TCHHL1: variants seen among roughly 807,000 people sequenced by gnomAD.
TCHHL1 encodes the protein trichohyalin like 1.
TCHHL1 carries 1 observed loss-of-function variant against 3.5 expected under a neutral mutation model. The ratio of observed to expected loss-of-function variants is 0.29; its 90% CI spans 0.10 to 1.36. The LOEUF (loss-of-function observed/expected upper bound fraction) is 1.36. Ranked by LOEUF, TCHHL1 falls within the 40% of genes most tolerant of loss-of-function variation. The probability of loss-of-function intolerance (pLI) is 0.43; values close to 1 mark genes in which losing one functional copy is unlikely to be tolerated. For missense variants in TCHHL1, 1,027 were observed against 1,032.8 expected (o/e 0.99, Z 0.08); for synonymous variants, 405 against 375.3 (o/e 1.08, Z -0.92).
chr1:152,086,281 T>G lies in TCHHL1; in HGVS notation c.1401A>C (p.Glu467Asp), dbSNP rs1298085929. ...TGCCTTCTTTGGTGTGTTCTGCCTC[T>G]TCTCCTGAGACTGCTGTTCCTTCAA... ...PELEGTAVSG[E>D]EAEHTKEGTA... Residue 467 changes from glutamate to aspartate, a missense_variant, in exon 3 of 3, where the codon GAA (glutamate) becomes GAC (aspartate). By Grantham distance (45) the Glu-to-Asp change is conservative. Around this residue, in one of 3 missense-constraint regions of TCHHL1, gnomAD observed 673 missense variants for 658.6 expected, o/e 1.02. Coordinates refer to ENST00000368806, the MANE Select transcript of TCHHL1 (RefSeq NM_001008536.2). 6.2e-7 allele frequency: 1 copy of G among 1,614,260 alleles called. No homozygotes were observed. The highest frequency in any genetic ancestry group is 1.3e-5 in the African/African-American group (1 of 75,062).
In TCHHL1 at chr1:152,084,718, A is replaced by G. The variant is rs1657682786; in HGVS notation, c.*249T>C. The G allele has an allele frequency of 2.2e-6, 1 of 446,186 alleles. No individual in the cohort carries two copies. The highest frequency in any genetic ancestry group is 4.0e-6 in the Non-Finnish European group (1 of 253,116). The allele number at this position is 446,186 out of a possible 1,614,324, so 27.6% of individuals were successfully genotyped here. On this transcript the variant is annotated 3_prime_UTR_variant, in exon 3 of 3. Transcript: ENST00000368806. The stretch of plus-strand genomic sequence containing the variant: ...TTTTTAATGACAGGTACATTGAGAT[A>G]AACTGTCTCATGACAAAGCCCATTT...
rs372323311 is a variant in TCHHL1 at position 152,088,016 on chromosome 1, T to C, written c.128A>G (p.Asp43Gly). 2.4e-5 allele frequency: 39 copies of C among 1,596,882 alleles called. 1 individual carries two copies. The highest frequency in any genetic ancestry group is 3.2e-5 in the Non-Finnish European group (38 of 1,174,318). ...LKQLIQGEFGDFFQPCVLHAV... is the reference protein window; with the variant it reads ...LKQLIQGEFGGFFQPCVLHAV... ...CTGTGAGAAGCTCACCTGAAAAAAG[T>C]CCCCAAACTCGCCCTGGATGAGTTG... Residue 43 changes from aspartate (D) to glycine (G), a missense_variant, in exon 2 of 3, where the codon GAC (aspartate) becomes GGC (glycine). Physicochemically the swap from Asp to Gly is moderately conservative, Grantham distance 94 (BLOSUM62 -1). Around this residue, in one of 3 missense-constraint regions of TCHHL1, gnomAD observed 338 missense variants for 335.9 expected, o/e 1.01. Transcript: ENST00000368806.
chr1:152,087,583 T>C, intron 2 of TCHHL1, 40 bp from the exon 3 acceptor site: 2 of 1,540,978 alleles, frequency 1.3e-6, no homozygotes, highest in Non-Finnish European at 1.7e-6. Context: ...TATTTATATG[T>C]GGTCCAGTGT....
rs375383559 is a variant in TCHHL1, at chr1:152,088,027, G to A, written c.117C>T (p.Gly39=). The A allele has an allele frequency of 4.0e-5, 64 of 1,602,832 alleles. No individual in the cohort carries two copies. Among genetic ancestry groups the A allele is most frequent in the Admixed American group, 5.3e-5 (3 of 56,810 alleles). ...TCACCTGAAAAAAGTCCCCAAACTC[G>A]CCCTGGATGAGTTGTTTCAGCTCTC... ...TGRELKQLIQ[G]EFGDFFQPCV... Residue 39 remains glycine (G), a synonymous_variant, in exon 2 of 3, where the codon GGC becomes GGT. Coordinates refer to ENST00000368806, the MANE Select transcript of TCHHL1 (RefSeq NM_001008536.2).
Position 152,087,514 on chromosome 1 carries a change from A to G in TCHHL1, c.168T>C (p.Asn56=), listed in dbSNP as rs143959909. The G allele has an allele frequency of 5.8e-5, 92 of 1,598,438 alleles. No individual in the cohort carries two copies. The East Asian group carries it at 1.9e-3, about 33-fold the overall frequency. ...QPCVLHAVEK[N]SNLLNIDSNG... is the part of the protein sequence containing the mutation. ...TACTGTCAATATTCAGAAGATTTGA[A>G]TTTTTTTCCACAGCATGAAGGACAC... Residue 56 remains asparagine (N), a synonymous_variant, in exon 3 of 3, where the codon AAT becomes AAC. Transcript: ENST00000368806.
At chr1:152,087,581 T>C in intron 2 of TCHHL1, 38 bp from the exon 3 acceptor site, 2 of 1,541,152 alleles carry the variant, frequency 1.3e-6, no homozygotes, top group South Asian at 1.3e-5. Flanking sequence ...CTTATTTATA[T>C]GTGGTCCAGT....
rs757410759 is a variant in TCHHL1, at chr1:152,087,361, T to C, written c.321A>G (p.Leu107=). The C allele has an allele frequency of 2.5e-6, 4 of 1,613,710 alleles. No homozygotes were observed. In the African/African-American group the frequency reaches 5.3e-5, roughly 22 times the overall value. ...TGGTTGCCTGAACATCCACATCATC[T>C]AGCTTCTCCTTCTCTGGTTTAGTCA... ...RQVTKPEKEK[L]DDVDVQATTG... Residue 107 remains leucine (L), a synonymous_variant, in exon 3 of 3, where the codon CTA becomes CTG. Coordinates refer to ENST00000368806, the MANE Select transcript of TCHHL1 (RefSeq NM_001008536.2).
chr1:152,087,951 A>C, intron 2 of TCHHL1, 55 bp downstream of exon 2: 5 of 1,522,178 alleles, frequency 3.3e-6, no homozygotes, highest in Non-Finnish European at 4.4e-6. Flanking sequence ...TCTTGCTTGG[A>C]TTATAAAGAA....
Position 152,085,883 on chromosome 1 carries a change from G to C in TCHHL1, c.1799C>G (p.Pro600Arg). The change falls in exon 3 of 3, where the codon CCT (proline) becomes CGT (arginine). Residue 600 changes from proline to arginine, a missense_variant. By Grantham distance (103) the Pro-to-Arg change is moderately radical. Transcript: ENST00000368806. ...NNPDTQRQGT[P>R]GEKNRALEAV... ...CTCCAGAGCTCTGTTTTTCTCACCA[G>C]GTGTTCCCTGCCTCTGGGTATCTGG... 4.3e-6 allele frequency: 7 copies of C among 1,614,142 alleles called. No individual in the cohort carries two copies. Among genetic ancestry groups the C allele is most frequent in the Non-Finnish European group, 5.9e-6 (7 of 1,180,026 alleles).
Position 152,087,508 on chromosome 1 carries a change from A to G in TCHHL1, c.174T>C (p.Asn58=). The G allele has an allele frequency of 6.3e-7, 1 of 1,599,454 alleles. No individual in the cohort carries two copies. Among genetic ancestry groups the G allele is most frequent in the Non-Finnish European group, 8.5e-7 (1 of 1,179,476 alleles). The change falls in exon 3 of 3, where the codon AAT becomes AAC. Residue 58 remains asparagine, a synonymous_variant. Coordinates refer to ENST00000368806, the MANE Select transcript of TCHHL1 (RefSeq NM_001008536.2). ...TGCCATTACTGTCAATATTCAGAAG[A>G]TTTGAATTTTTTTCCACAGCATGAA... The part of the protein sequence containing the change: ...CVLHAVEKNS[N]LLNIDSNGII...
Position 152,086,109 on chromosome 1 carries a change from C to T in TCHHL1, c.1573G>A (p.Glu525Lys). 2 of 1,614,206 alleles carry T rather than the reference C, an allele frequency of 1.2e-6. No individual in the cohort carries two copies. The highest frequency in any genetic ancestry group is 1.3e-5 in the African/African-American group (1 of 75,038). Reference protein sequence around the residue: ...RVTKTHDQPVEEEDGYQGEDP... With the variant: ...RVTKTHDQPVKEEDGYQGEDP... Reference sequence around the variant, plus strand: ...TCCCCCTGGTAACCATCCTCCTCCTCAACTGGTTGGTCATGAGTCTTGGTG... The same window carrying T: ...TCCCCCTGGTAACCATCCTCCTCCTTAACTGGTTGGTCATGAGTCTTGGTG... Residue 525 changes from glutamate (E) to lysine (K), a missense_variant, in exon 3 of 3, where the codon GAG becomes AAG. By Grantham distance (56) the Glu-to-Lys change is moderately conservative. This residue lies in a region of TCHHL1 where 673 missense variants were observed against 658.6 expected (regional missense o/e 1.02). Transcript: ENST00000368806.
Position 152,085,958 on chromosome 1 carries a change from C to A in TCHHL1, c.1724G>T (p.Ser575Ile). The change falls in exon 3 of 3, where the codon AGT becomes ATT. Residue 575 changes from serine (S) to isoleucine (I), a missense_variant. Physicochemically the swap from Ser to Ile is moderately radical, Grantham distance 142 (BLOSUM62 -2). Coordinates refer to ENST00000368806, the MANE Select transcript of TCHHL1 (RefSeq NM_001008536.2). ...AGACTCTCCATGTTGGTCCCCTTGA[C>A]TCTGGGAGTCCCCTTGCACAGGCAG... ...GELPVQGDSQ[S>I]QGDQHGESVQ... is the part of the protein sequence containing the mutation. The A allele has an allele frequency of 1.2e-6, 2 of 1,614,188 alleles. No homozygotes were observed. The highest frequency in any genetic ancestry group is 1.7e-6 in the Non-Finnish European group (2 of 1,180,036).
chr1:152,085,436 T>C lies in TCHHL1; in HGVS notation c.2246A>G (p.Glu749Gly). Reference protein sequence around the residue: ...KEPVTSEEEDESPQELAGEGG... With the variant: ...KEPVTSEEEDGSPQELAGEGG... ...TTCTCCTGCCAGCTCTTGGGGACTT[T>C]CATCTTCCTCCTCTGATGTTACAGG... Residue 749 changes from glutamate to glycine, a missense_variant, in exon 3 of 3, where the codon GAA becomes GGA. By Grantham distance (98) the Glu-to-Gly change is moderately conservative. This residue lies in a region of TCHHL1 where 673 missense variants were observed against 658.6 expected (regional missense o/e 1.02). Transcript: ENST00000368806. 6.2e-7 allele frequency: 1 copy of C among 1,614,216 alleles called. No individual in the cohort carries two copies. Among genetic ancestry groups the C allele is most frequent in the Non-Finnish European group, 8.5e-7 (1 of 1,180,034 alleles).
rs1291366556 is a variant in TCHHL1 at position 152,085,969 on chromosome 1, C to T, written c.1713G>A (p.Gly571=). 2 of 1,614,004 alleles carry T rather than the reference C, an allele frequency of 1.2e-6. No homozygotes were observed. Among genetic ancestry groups the T allele is most frequent in the Non-Finnish European group, 1.7e-6 (2 of 1,180,032 alleles). Residue 571 remains glycine (G), a synonymous_variant, in exon 3 of 3, where the codon GGG becomes GGA. Coordinates refer to ENST00000368806, the MANE Select transcript of TCHHL1 (RefSeq NM_001008536.2). ...SSETGELPVQ[G]DSQSQGDQHG... is the part of the protein sequence containing the mutation. ...GTTGGTCCCCTTGACTCTGGGAGTC[C>T]CCTTGCACAGGCAGTTCACCTGTCT...
chr1:152,087,181 G>C lies in TCHHL1; in HGVS notation c.501C>G (p.Asn167Lys). The change falls in exon 3 of 3, where the codon AAC becomes AAG. Residue 167 changes from asparagine (N) to lysine (K), a missense_variant. Physicochemically the swap from Asn to Lys is moderately conservative, Grantham distance 94. Around this residue, in one of 3 missense-constraint regions of TCHHL1, gnomAD observed 338 missense variants for 335.9 expected, o/e 1.01. Transcript: ENST00000368806. ...VDPWREAKTH[N>K]FPGEASEHND... ...TGTGTTCAGATGCTTCTCCTGGAAA[G>C]TTGTGAGTCTTGGCTTCTCTCCATG... is the stretch of plus-strand genomic sequence containing the variant. The C allele has an allele frequency of 3.7e-6, 6 of 1,614,178 alleles. No homozygotes were observed. The highest frequency in any genetic ancestry group is 5.1e-6 in the Non-Finnish European group (6 of 1,180,018).
intron 2 of TCHHL1, 35 bp from the exon 3 acceptor site, chr1:152,087,578 A>G (rs777139017): frequency 6.6e-5 from 103 of 1,554,672 alleles, no homozygotes; most frequent in East Asian, 9.0e-5. Flanking sequence ...CAGCTTATTT[A>G]TATGTGGTCC....
chr1:152,086,638 C>A lies in TCHHL1; in HGVS notation c.1044G>T (p.Lys348Asn), dbSNP rs1436032329. 2 of 1,614,004 alleles carry A rather than the reference C, an allele frequency of 1.2e-6. No individual in the cohort carries two copies. The highest frequency in any genetic ancestry group is 2.7e-5 in the African/African-American group (2 of 74,898). ...CATAATCCTCAGGTTCACCCAAATT[C>A]TTTGTTTTAGCTGGTGTCTGGTCAG... ...KDADQTPAKTKNLGEPEDYGR... is the reference protein window; with the variant it reads ...KDADQTPAKTNNLGEPEDYGR... Residue 348 changes from lysine (K) to asparagine (N), a missense_variant, in exon 3 of 3, where the codon AAG (lysine) becomes AAT (asparagine). Around this residue, in one of 3 missense-constraint regions of TCHHL1, gnomAD observed 673 missense variants for 658.6 expected, o/e 1.02. Transcript: ENST00000368806.
rs1657691020 is a variant in TCHHL1 at position 152,084,980 on chromosome 1, G to A, written c.2702C>T (p.Thr901Ile). Residue 901 changes from threonine to isoleucine, a missense_variant, in exon 3 of 3, where the codon ACC becomes ATC. By Grantham distance (89) the Thr-to-Ile change is moderately conservative. Coordinates refer to ENST00000368806, the MANE Select transcript of TCHHL1 (RefSeq NM_001008536.2). ...GATGATAATGATTCATTGCTTTGTG[G>A]TGCTTGCCTCCCTTTGTAGTACCAG... ...ERLVLQREAS[T>I]TKQ The A allele has an allele frequency of 6.8e-6, 11 of 1,613,214 alleles. No homozygotes were observed. Among genetic ancestry groups the A allele is most frequent in the Non-Finnish European group, 9.3e-6 (11 of 1,179,546 alleles).
intron 2 of TCHHL1, among the ~76,000 whole-genome samples, 199 bp from the exon 3 acceptor site, chr1:152,087,742 T>C (rs1176594581): frequency 6.6e-6 from 1 of 152,198 alleles, no homozygotes; most frequent in Non-Finnish European, 1.5e-5. Flanking sequence ...CACTTGTGAG[T>C]TGCATTTTGA....
Sources: allele counts gnomAD v4.1 joint callset (sites outside exome capture counted in the v4.1 genomes callset), GRCh38; gene constraint gnomAD v4.1.1; regional missense constraint gnomAD v4.1.1; transcripts MANE v1.5; gene names NCBI Gene and HGNC (gene_info 2026-07-23, HGNC 2026-07-21).